POLA1: variants seen among roughly 807,000 people sequenced by gnomAD.
POLA1 encodes DNA polymerase alpha catalytic subunit.
POLA1 carries 15 observed loss-of-function variants against 124.0 expected under a neutral mutation model. The ratio of observed to expected loss-of-function variants is 0.12; its 90% CI spans 0.08 to 0.19. The LOEUF is 0.19. Ranked by LOEUF, POLA1 falls within the 10% of genes least tolerant of loss-of-function variation. The pLI, the probability that POLA1 is intolerant of heterozygous loss-of-function variation, is 1.00. For missense variants in POLA1, 886 were observed against 1,103.4 expected (o/e 0.80, Z 2.79); for synonymous variants, 408 against 389.4 (o/e 1.05, Z -0.56).
At chrX:24,709,433 G>C (rs1344614386) in intron 4 of POLA1, among the ~76,000 whole-genome samples, 2 of 102,779 alleles carry the variant, frequency 1.9e-5, no homozygotes, top group Non-Finnish European at 4.1e-5. Flanking sequence ...CTGGCCAGGC[G>C]GGGGGCTGAC....
chrX:24,964,428 A>C (rs182578570), intron 36 of POLA1, among the ~76,000 whole-genome samples: 1 of 113,048 alleles, frequency 8.8e-6, no homozygotes, highest in Admixed American at 9.3e-5. Flanking sequence ...TATACATCCT[A>C]GAAATCTTGA....
chrX:24,721,931 A>AT (rs764492755), intron 10 of POLA1, among the ~76,000 whole-genome samples: 16 of 110,118 alleles, frequency 1.5e-4, no homozygotes, highest in Non-Finnish European at 2.5e-4. Context: ...AGTTACTGTG[A>AT]TTTTTTTTCT....
chrX:24,858,271 A>T (rs746792376), intron 34 of POLA1, among the ~76,000 whole-genome samples: 1 of 112,113 alleles, frequency 8.9e-6, no homozygotes, highest in East Asian at 2.8e-4. Context: ...ATATGATTGT[A>T]TAAACCTAGG....
chrX:24,742,708 G>A (rs1250385831), intron 22 of POLA1, among the ~76,000 whole-genome samples: 1 of 111,918 alleles, frequency 8.9e-6, no homozygotes, highest in Non-Finnish European at 1.9e-5. Flanking sequence ...TATTCATTTA[G>A]AGGACTTTAA....
intron 35 of POLA1, among the ~76,000 whole-genome samples, chrX:24,893,822 A>G (rs2047173134): frequency 8.9e-6 from 1 of 111,900 alleles, no homozygotes; most frequent in African/African-American, 3.2e-5. Flanking sequence ...CTTTGTCAGT[A>G]CACTTTTAAA....
chrX:24,913,724 C>CA (rs757167001), intron 35 of POLA1, among the ~76,000 whole-genome samples: 5,570 of 88,117 alleles, frequency 0.063, 433 homozygotes, highest in African/African-American at 0.22. Context: ...CAAAAAAAAA[C>CA]AAAAAAAAAA....
chrX:24,716,747 A>G, intron 7 of POLA1, 137 bp from the exon 8 acceptor site: 1 of 438,836 alleles, frequency 2.3e-6, no homozygotes, highest in Non-Finnish European at 3.9e-6. Flanking sequence ...TAACAGTAAA[A>G]TAATTGAAGC....
At chrX:24,809,665 T>G (rs2045865595) in intron 26 of POLA1, among the ~76,000 whole-genome samples, 1 of 111,383 alleles carries the variant, frequency 9.0e-6, no homozygotes, top group Admixed American at 9.5e-5. Context: ...GTGTGTGTGT[T>G]AAACATATAT....
In POLA1 at chrX:24,916,786, A is replaced by G. The variant is rs371509932; in HGVS notation, c.4165-13667A>G. On this transcript the variant is annotated intron_variant, in intron 35 of 36. Transcript: ENST00000379068. ...TTGAGTGTTTCCTTTCTTTAGGTGA[A>G]AGTAGTTGAGAGAGAACACATTTAT... 8.9e-5 allele frequency among the ~76,000 whole-genome samples: 10 copies of G among 112,416 alleles called. No homozygotes were observed. The South Asian group carries it at 1.8e-3, about 21-fold the overall frequency.
At chrX:24,757,435 A>ATTTTTTTTTTTT (rs1569298336) in intron 26 of POLA1, among the ~76,000 whole-genome samples, 1 of 64,640 alleles carries the variant, frequency 1.5e-5, no homozygotes, top group African/African-American at 1.2e-4. Context: ...AAAATCTGAA[A>ATTTTTTTTTTTT]CTTTTTTTTT....
intron 32 of POLA1, among the ~76,000 whole-genome samples, chrX:24,836,320 T>C (rs1431091964): frequency 8.9e-6 from 1 of 112,010 alleles, no homozygotes; most frequent in Non-Finnish European, 1.9e-5. Flanking sequence ...TAGTGCTGCT[T>C]TGAGAGTTGT....
intron 36 of POLA1, among the ~76,000 whole-genome samples, chrX:24,952,332 C>A (rs1490167293): frequency 8.9e-6 from 1 of 111,880 alleles, no homozygotes; most frequent in Non-Finnish European, 1.9e-5. Flanking sequence ...TAACTAATTC[C>A]CCAAATCTGT....
intron 26 of POLA1, among the ~76,000 whole-genome samples, chrX:24,755,624 C>T (rs1932561357): frequency 9.0e-6 from 1 of 111,574 alleles, no homozygotes; most frequent in Admixed American, 9.5e-5. Context: ...CAGTCTGTGG[C>T]TTGTCCTTTT....
At chrX:24,960,184 C>G (rs1470064305) in intron 36 of POLA1, among the ~76,000 whole-genome samples, 1 of 111,736 alleles carries the variant, frequency 8.9e-6, no homozygotes, top group African/African-American at 3.3e-5. Flanking sequence ...CCTCTACCCT[C>G]AAATATTTCA....
chrX:24,829,912 A>G (rs942222896), intron 32 of POLA1, among the ~76,000 whole-genome samples: 7 of 112,573 alleles, frequency 6.2e-5, no homozygotes, highest in Non-Finnish European at 1.3e-4. Context: ...ACACCGTTAA[A>G]TAAGTTGAAG....
At chrX:24,764,096 C>T (rs1022777324) in intron 26 of POLA1, among the ~76,000 whole-genome samples, 4 of 111,813 alleles carry the variant, frequency 3.6e-5, no homozygotes, top group Admixed American at 9.5e-5. Flanking sequence ...CATTGACCCT[C>T]TGCTTCCTCA....
intron 28 of POLA1, among the ~76,000 whole-genome samples, chrX:24,811,145 T>G (rs777160072): frequency 9.0e-6 from 1 of 110,569 alleles, no homozygotes; most frequent in Admixed American, 9.5e-5. Flanking sequence ...TGTAGAGATT[T>G]TTTTTGCCCA....
chrX:24,967,678 A>C (rs113782334), intron 36 of POLA1, among the ~76,000 whole-genome samples: 6 of 102,037 alleles, frequency 5.9e-5, no homozygotes, highest in African/African-American at 1.8e-4. Flanking sequence ...AAAAAGAAAA[A>C]AAGAAATTGG....
chrX:24,868,428 A>G (rs1052020887), intron 34 of POLA1, among the ~76,000 whole-genome samples: 2 of 111,894 alleles, frequency 1.8e-5, no homozygotes, highest in Non-Finnish European at 3.8e-5. Flanking sequence ...ATCACTGTGC[A>G]ATAGCACTAA....
Sources: allele counts gnomAD v4.1 joint callset (sites outside exome capture counted in the v4.1 genomes callset), GRCh38; gene constraint gnomAD v4.1.1; transcripts MANE v1.5; gene names NCBI Gene and HGNC (gene_info 2026-07-23, HGNC 2026-07-21).